Variants in SLC9B2 observed in about 807,000 individuals in gnomAD.
The protein encoded by SLC9B2 is sodium/hydrogen exchanger 9B2.
Under a neutral mutation model 52.2 loss-of-function variants are expected in SLC9B2, and 39 were observed. The observed-to-expected ratio is 0.75, with a 90% CI of 0.58 to 0.98. The LOEUF is 0.98. Among genes scored for constraint, SLC9B2 ranks in the 50% least tolerant of loss-of-function variants. The pLI, the probability that SLC9B2 is intolerant of heterozygous loss-of-function variation, is 0.00. For synonymous variants in SLC9B2, 214 were observed against 227.0 expected (o/e 0.94, Z 0.51); for missense variants, 626 against 637.5 (o/e 0.98, Z 0.19).
intron 10 of SLC9B2, 38 bp from the exon 11 acceptor site, chr4:103,028,921 C>T (rs775944882): frequency 1.3e-6 from 2 of 1,484,898 alleles, no homozygotes; most frequent in Admixed American, 2.6e-5. Context: ...TAATAAAATA[C>T]TAGGAGAGAA....
chr4:103,067,658 T>C (rs1578482148), intron 1 of SLC9B2, 66 bp from the exon 2 acceptor site: 9 of 874,780 alleles, frequency 1.0e-5, no homozygotes, highest in Non-Finnish European at 1.5e-5. Context: ...AGACTTTGGA[T>C]TGTACTTATT....
At chr4:103,031,561 T>G in intron 10 of SLC9B2, 139 bp downstream of exon 10, 2 of 534,862 alleles carry the variant, frequency 3.7e-6, no homozygotes. Flanking sequence ...AATTAACTTT[T>G]TATATAATTG....
chr4:103,068,151 T>A (rs1746310161), intron 1 of SLC9B2, among the ~76,000 whole-genome samples: 1 of 152,314 alleles, frequency 6.6e-6, no homozygotes, highest in Middle Eastern at 3.4e-3. Context: ...TTGTGGGCAA[T>A]TCAAAGATTA....
chr4:103,035,862 C>T (rs58131763), intron 9 of SLC9B2, among the ~76,000 whole-genome samples: 1,600 of 152,182 alleles, frequency 0.011, 20 homozygotes, highest in African/African-American at 0.033. Context: ...AGCAAAGACA[C>T]GGAATCAACC....
intron 10 of SLC9B2, among the ~76,000 whole-genome samples, chr4:103,030,248 G>A (rs1353545695): frequency 6.6e-6 from 1 of 152,142 alleles, no homozygotes; most frequent in Non-Finnish European, 1.5e-5. Flanking sequence ...GATAAGGTTA[G>A]AGAAGTTATA....
intron 9 of SLC9B2, among the ~76,000 whole-genome samples, chr4:103,036,493 T>C (rs192496571): frequency 6.6e-6 from 1 of 151,828 alleles, no homozygotes; most frequent in East Asian, 1.9e-4. Flanking sequence ...AACCTGCACA[T>C]GTACCCCTTG....
At chr4:103,027,079 T>C (rs987311322) in intron 11 of SLC9B2, among the ~76,000 whole-genome samples, 1 of 152,162 alleles carries the variant, frequency 6.6e-6, no homozygotes, top group African/African-American at 2.4e-5. Context: ...TGCCCTTGCA[T>C]GGGAACATAC....
At chr4:103,064,139 A>G (rs1435925528) in intron 3 of SLC9B2, among the ~76,000 whole-genome samples, 1 of 152,248 alleles carries the variant, frequency 6.6e-6, no homozygotes, top group African/African-American at 2.4e-5. Context: ...CAATCCCATT[A>G]CTGGGTATGT....
rs113597885 is a variant in SLC9B2 at position 103,070,953 on chromosome 4, G to T, written c.-42-3361C>A. Among the ~76,000 whole-genome samples, 850 of 151,090 alleles carry T rather than the reference G, an allele frequency of 5.6e-3. 9 individuals are homozygous for T. Among genetic ancestry groups the T allele is most frequent in the Middle Eastern group, 0.017 (5 of 294 alleles). ...GACAGAGCAAGACTGTATAAAAAAA[G>T]AAAAAAGAAAAAAGTTTTCTTAACC... On this transcript the variant is annotated intron_variant, in intron 1 of 11. Transcript: ENST00000394785.
At chr4:103,018,753 C>CT (rs1273315431), downstream of SLC9B2, among the ~76,000 whole-genome samples, 1 of 152,130 alleles carries the variant, frequency 6.6e-6, no homozygotes, top group Non-Finnish European at 1.5e-5. Context: ...TGCAACTTTC[C>CT]TTTTTCCTTC....
In SLC9B2 at chr4:103,050,259, C is replaced by G. The variant is rs1486447891; in HGVS notation, c.566G>C (p.Gly189Ala). The change falls in exon 5 of 12, where the codon GGC becomes GCC. Residue 189 changes from glycine (G) to alanine (A), a missense_variant. Gly to Ala is a moderately conservative substitution (Grantham distance 60, BLOSUM62 0). Transcript: ENST00000394785. Reference protein sequence around the residue: ...IALSIILVRAGLGLDSKALKK... With the variant: ...IALSIILVRAALGLDSKALKK... ...TCATACCTTTGAATCCAGACCAAGG[C>G]CAGCACGAACCAGAATGATAGACAG... 3 of 1,596,142 alleles carry G rather than the reference C, an allele frequency of 1.9e-6. No homozygotes were observed. The highest frequency in any genetic ancestry group is 2.6e-6 in the Non-Finnish European group (3 of 1,173,428).
chr4:103,063,783 A>T (rs1377867799), intron 3 of SLC9B2, among the ~76,000 whole-genome samples: 1 of 152,222 alleles, frequency 6.6e-6, no homozygotes, highest in East Asian at 1.9e-4. Context: ...GAGCAGTTGC[A>T]AACTATGTAC....
downstream of SLC9B2, among the ~76,000 whole-genome samples, chr4:103,018,119 A>T (rs1399946754): frequency 6.6e-6 from 1 of 152,230 alleles, no homozygotes; most frequent in Non-Finnish European, 1.5e-5. Flanking sequence ...CCACAGTAAC[A>T]TGGGATTTGG....
chr4:103,044,053 G>A (rs1743882080), intron 8 of SLC9B2, among the ~76,000 whole-genome samples: 1 of 152,048 alleles, frequency 6.6e-6, no homozygotes, highest in Non-Finnish European at 1.5e-5. Context: ...TCCCTGTCCA[G>A]GCTTTTAAAC....
At chr4:103,040,758 G>A (rs1743563864) in intron 9 of SLC9B2, among the ~76,000 whole-genome samples, 1 of 152,140 alleles carries the variant, frequency 6.6e-6, no homozygotes, top group Non-Finnish European at 1.5e-5. Context: ...AAATAAACAA[G>A]ATGCAACTTT....
At chr4:103,044,163 C>T (rs7679465) in intron 8 of SLC9B2, among the ~76,000 whole-genome samples, 4 of 152,136 alleles carry the variant, frequency 2.6e-5, no homozygotes, top group Non-Finnish European at 5.9e-5. Context: ...CCAGTTCCAC[C>T]GCTTTCTAGC....
At chr4:103,060,285 C>G (rs1357681689) in intron 3 of SLC9B2, among the ~76,000 whole-genome samples, 1 of 151,236 alleles carries the variant, frequency 6.6e-6, no homozygotes, top group Admixed American at 6.6e-5. Flanking sequence ...TGCCAGTTCA[C>G]CATTTTTTTC....
At chr4:103,055,892 C>T (rs1745093795) in intron 4 of SLC9B2, among the ~76,000 whole-genome samples, 1 of 151,532 alleles carries the variant, frequency 6.6e-6, no homozygotes, top group African/African-American at 2.4e-5. Context: ...CATGCTCCAC[C>T]TCCCGGGTTC....
chr4:103,070,388 TAG>T (rs1367683339), intron 1 of SLC9B2, among the ~76,000 whole-genome samples: 1 of 152,232 alleles, frequency 6.6e-6, no homozygotes, highest in African/African-American at 2.4e-5. Context: ...TCCTTACTCA[TAG>T]AGAGGCTCTT....
Sources: allele counts gnomAD v4.1 joint callset (sites outside exome capture counted in the v4.1 genomes callset), GRCh38; gene constraint gnomAD v4.1.1; transcripts MANE v1.5; gene names NCBI Gene and HGNC (gene_info 2026-07-23, HGNC 2026-07-21).